Variants in THSD7B observed in about 807,000 individuals in gnomAD.
THSD7B encodes the protein thrombospondin type-1 domain-containing protein 7B.
In THSD7B, 138 loss-of-function variants were observed where a neutral mutation model predicts 213.6. That is an observed-to-expected ratio of 0.65 (90% confidence interval 0.56 to 0.74). THSD7B has a LOEUF of 0.74. Among genes scored for constraint, THSD7B ranks in the 30% least tolerant of loss-of-function variants. THSD7B has a pLI of 0.00. For synonymous variants in THSD7B, 742 were observed against 687.0 expected (o/e 1.08, Z -1.25); for missense variants, 1,931 against 1,991.5 (o/e 0.97, Z 0.58).
At chr2:137,123,443 T>C (rs1328321943) in intron 5 of THSD7B, among the ~76,000 whole-genome samples, 3 of 152,160 alleles carry the variant, frequency 2.0e-5, no homozygotes, top group Non-Finnish European at 2.9e-5. Flanking sequence ...CTATGTATCT[T>C]TGTGGTTTGA....
At chr2:136,915,662 C>A (rs766576905) in intron 2 of THSD7B, among the ~76,000 whole-genome samples, 11 of 152,170 alleles carry the variant, frequency 7.2e-5, no homozygotes, top group Non-Finnish European at 1.3e-4. Flanking sequence ...TTTCCATTTT[C>A]TAGGCTGAAG....
chr2:137,586,922 G>T (rs1274142790), intron 17 of THSD7B, among the ~76,000 whole-genome samples: 4 of 152,154 alleles, frequency 2.6e-5, no homozygotes, highest in Non-Finnish European at 4.4e-5. Flanking sequence ...AAAATATCCT[G>T]CAGAGTGTTT....
At chr2:137,133,536 C>T (rs375421944) in intron 5 of THSD7B, among the ~76,000 whole-genome samples, 1 of 151,718 alleles carries the variant, frequency 6.6e-6, no homozygotes, top group Non-Finnish European at 1.5e-5. Context: ...ATAAAGTTGG[C>T]GTGGGAGTGG....
chr2:137,267,331 T>C (rs78699168), intron 10 of THSD7B, among the ~76,000 whole-genome samples: 1 of 152,230 alleles, frequency 6.6e-6, no homozygotes. Context: ...TAATTTATTG[T>C]TATTCTTCTT....
At chr2:137,650,689 C>G (rs1188815271) in intron 21 of THSD7B, among the ~76,000 whole-genome samples, 1 of 152,128 alleles carries the variant, frequency 6.6e-6, no homozygotes, top group East Asian at 1.9e-4. Context: ...TTCCATTTTT[C>G]TCCATTCAAT....
At chr2:137,185,516 T>A (rs77986815) in intron 7 of THSD7B, among the ~76,000 whole-genome samples, 1 of 152,308 alleles carries the variant, frequency 6.6e-6, no homozygotes, top group East Asian at 1.9e-4. Flanking sequence ...GTTCCTGCTT[T>A]AGTTCACTTA....
chr2:137,231,374 GT>G (rs1681636445), intron 8 of THSD7B, 139 bp downstream of exon 8: 1 of 919,028 alleles, frequency 1.1e-6, no homozygotes, highest in African/African-American at 1.7e-5. Context: ...CAGATTAACA[GT>G]TTCATTTCCC....
chr2:137,376,430 C>T (rs977840453), intron 12 of THSD7B, among the ~76,000 whole-genome samples: 7 of 152,192 alleles, frequency 4.6e-5, no homozygotes, highest in Admixed American at 1.3e-4. Flanking sequence ...AAAGCACCAT[C>T]CATCTGTCAA....
chr2:137,654,183 G>T (rs1683190533), intron 21 of THSD7B, among the ~76,000 whole-genome samples: 1 of 152,082 alleles, frequency 6.6e-6, no homozygotes, highest in Non-Finnish European at 1.5e-5. Flanking sequence ...CTTTGCTTCA[G>T]TAAACAATTA....
intron 1 of THSD7B, among the ~76,000 whole-genome samples, chr2:136,772,673 T>C (rs1419975553): frequency 6.6e-6 from 1 of 152,046 alleles, no homozygotes; most frequent in Non-Finnish European, 1.5e-5. Flanking sequence ...GGGTCACTCT[T>C]GTGATTTGGT....
At chr2:136,903,177 A>G (rs1336714859) in intron 2 of THSD7B, among the ~76,000 whole-genome samples, 2 of 152,192 alleles carry the variant, frequency 1.3e-5, no homozygotes, top group Admixed American at 6.5e-5. Context: ...TAAAAAAAAT[A>G]TGAAATTAGA....
chr2:137,410,688 G>A (rs1686634521), intron 13 of THSD7B, among the ~76,000 whole-genome samples: 1 of 152,134 alleles, frequency 6.6e-6, no homozygotes, highest in Non-Finnish European at 1.5e-5. Context: ...AGTAGCCCAT[G>A]CATCAGCTTG....
rs1055818319 is a variant in THSD7B at position 137,056,818 on chromosome 2, T to A, written c.538T>A (p.Cys180Ser). 4 of 1,613,942 alleles carry A rather than the reference T, an allele frequency of 2.5e-6. No individual in the cohort carries two copies. In the Admixed American group the frequency reaches 6.7e-5, roughly 27 times the overall value. The change falls in exon 3 of 28, where the codon TGT (cysteine) becomes AGT (serine). Residue 180 changes from cysteine to serine, a missense_variant. Physicochemically the swap from Cys to Ser is moderately radical, Grantham distance 112 (BLOSUM62 -1). Transcript: ENST00000409968. ...TTGCCTCATTCCTTGTCCCCGGGAT[T>A]GTGTAGTATCTGAGTTCTTACCATG... ...QACLIPCPRD[C>S]VVSEFLPWSN... is the part of the protein sequence containing the mutation.
chr2:136,947,650 G>C (rs1480504084), intron 2 of THSD7B, among the ~76,000 whole-genome samples: 1 of 152,144 alleles, frequency 6.6e-6, no homozygotes, highest in Non-Finnish European at 1.5e-5. Flanking sequence ...AAGCTCTTCT[G>C]TCTGCCACAG....
chr2:137,017,128 T>G (rs189113753), intron 2 of THSD7B, among the ~76,000 whole-genome samples: 3 of 152,250 alleles, frequency 2.0e-5, no homozygotes, highest in Admixed American at 1.3e-4. Flanking sequence ...GCAAACTATT[T>G]TTTTATTTTT....
chr2:137,118,457 T>C lies in THSD7B; in HGVS notation c.1369+3164T>C, dbSNP rs189796546. Reference sequence around the variant, plus strand: ...GTGGCATAGAAGTAGATATGTCATATATTGGTATATGGTAAAGCAAAATTT... The same window carrying C: ...GTGGCATAGAAGTAGATATGTCATACATTGGTATATGGTAAAGCAAAATTT... On this transcript the variant is annotated intron_variant, in intron 5 of 27. Transcript: ENST00000409968. Among the ~76,000 whole-genome samples the C allele has an allele frequency of 2.5e-4, 38 of 152,336 alleles. No homozygotes were observed. In the East Asian group the frequency reaches 2.9e-3, roughly 12 times the overall value.
chr2:136,851,695 G>C lies in THSD7B; in HGVS notation c.-35-30449G>C, dbSNP rs1338668438. ...ATGTTTTTCTCATGATGGCTTTGGAGATATAAGATGGCAAATAGAAATACT... is the reference window on the plus strand; with the variant it reads ...ATGTTTTTCTCATGATGGCTTTGGACATATAAGATGGCAAATAGAAATACT... On this transcript the variant is annotated intron_variant, in intron 1 of 27. Coordinates refer to ENST00000409968, the MANE Select transcript of THSD7B (RefSeq NM_001316349.2). Among the ~76,000 whole-genome samples the C allele has an allele frequency of 2.0e-5, 3 of 152,058 alleles. No individual in the cohort carries two copies. The East Asian group carries it at 5.8e-4, about 29-fold the overall frequency.
At chr2:137,351,514 A>G (rs1404070697) in intron 12 of THSD7B, among the ~76,000 whole-genome samples, 2 of 151,954 alleles carry the variant, frequency 1.3e-5, no homozygotes, top group East Asian at 1.9e-4. Context: ...AGACATTTCC[A>G]CTAGGGATCA....
chr2:137,375,398 G>T, intron 12 of THSD7B, among the ~76,000 whole-genome samples: 1 of 152,140 alleles, frequency 6.6e-6, no homozygotes, highest in Middle Eastern at 3.2e-3. Context: ...ATGAATCTTA[G>T]AGGTTAAATA....
Sources: gnomAD v4.1 joint callset for allele counts (sites outside exome capture counted in the v4.1 genomes callset) on GRCh38, gnomAD v4.1.1 for gene constraint, MANE v1.5 for transcripts, NCBI Gene and HGNC (gene_info 2026-07-23, HGNC 2026-07-21) for gene names.